PAX5: variants seen among roughly 807,000 people sequenced by gnomAD.
The protein encoded by PAX5 is paired box 5.
Under a neutral mutation model 43.7 loss-of-function variants are expected in PAX5, and 9 were observed. The ratio of observed to expected loss-of-function variants is 0.21; its 90% CI spans 0.12 to 0.36. The LOEUF (loss-of-function observed/expected upper bound fraction) is 0.36. PAX5 is among the 10% of genes least tolerant of loss of function. The pLI is 1.00. For missense variants in PAX5, 383 were observed against 532.7 expected (o/e 0.72, Z 2.77); for synonymous variants, 228 against 214.3 (o/e 1.06, Z -0.56).
At chr9:36,877,787 T>C (rs1826046883) in intron 8 of PAX5, among the ~76,000 whole-genome samples, 2 of 152,196 alleles carry the variant, frequency 1.3e-5, no homozygotes, top group African/African-American at 2.4e-5. Flanking sequence ...GCTCCTTATA[T>C]GTAACCTGTG....
At chr9:37,033,885 A>G (rs1482298386) in intron 1 of PAX5, 101 bp downstream of exon 1, 3 of 990,552 alleles carry the variant, frequency 3.0e-6, no homozygotes, top group East Asian at 4.9e-5. Flanking sequence ...CTCTACGAAA[A>G]TGCGGCGCGC....
chr9:36,891,429 G>A (rs1445715528), intron 7 of PAX5, among the ~76,000 whole-genome samples: 3 of 152,234 alleles, frequency 2.0e-5, no homozygotes, highest in African/African-American at 4.8e-5. Flanking sequence ...TGCATACGCC[G>A]CCAGGCTTAT....
At chr9:37,026,169 G>A (rs1840340223) in intron 1 of PAX5, among the ~76,000 whole-genome samples, 1 of 152,242 alleles carries the variant, frequency 6.6e-6, no homozygotes, top group Admixed American at 6.5e-5. Flanking sequence ...GTGGGGCGCT[G>A]TCTGAGACTC....
At chr9:36,930,870 G>T (rs895370979) in intron 6 of PAX5, 57 of 1,308,406 alleles carry the variant, frequency 4.4e-5, no homozygotes, top group Non-Finnish European at 5.6e-5. Context: ...GGCATCATTT[G>T]GGTCCCTAGG....
At chr9:36,855,697 A>T (rs1303162595) in intron 8 of PAX5, among the ~76,000 whole-genome samples, 1 of 151,174 alleles carries the variant, frequency 6.6e-6, no homozygotes, top group Non-Finnish European at 1.5e-5. Context: ...CTTCTCAGCC[A>T]CACCTCCCAC....
intron 8 of PAX5, among the ~76,000 whole-genome samples, chr9:36,854,085 T>C (rs2131618269): frequency 6.6e-6 from 1 of 152,354 alleles, no homozygotes; most frequent in Non-Finnish European, 1.5e-5. Flanking sequence ...TTCTGAAGGA[T>C]TCAAACTGGG....
chr9:36,901,171 G>GGCTCCCAGCACCTGCAAGGTCT (rs1472485478), intron 7 of PAX5, among the ~76,000 whole-genome samples: 3 of 151,976 alleles, frequency 2.0e-5, no homozygotes, highest in Non-Finnish European at 4.4e-5. Context: ...CTCTCCTCAG[G>GGCTCCCAGCACCTGCAAGGTCT]GCTCCCAGCA....
At chr9:36,869,371 A>G (rs1825202395) in intron 8 of PAX5, among the ~76,000 whole-genome samples, 1 of 152,156 alleles carries the variant, frequency 6.6e-6, no homozygotes, top group South Asian at 2.1e-4. Context: ...TGGCTAACAT[A>G]TGTTTCTCTC....
chr9:37,018,570 C>CAAAAAAAAAAAAAAAAAAAAAAAAAAAA (rs1222049885), intron 2 of PAX5, among the ~76,000 whole-genome samples: 1 of 70,992 alleles, frequency 1.4e-5, no homozygotes, highest in Non-Finnish European at 2.9e-5. Flanking sequence ...CTTCAGTGAC[C>CAAAAAAAAAAAAAAAAAAAAAAAAAAAA]AAAAAAAAAA....
Position 37,034,246 on chromosome 9 carries a change from C to T in PAX5, c.-215G>A, listed in dbSNP as rs1431258144. 3 of 560,124 alleles carry T rather than the reference C, an allele frequency of 5.4e-6. No individual in the cohort carries two copies. The African/African-American group carries it at 5.7e-5, about 11-fold the overall frequency. The allele number at this position is 560,124 out of a possible 1,614,324, so 34.7% of individuals were successfully genotyped here. On this transcript the variant is annotated 5_prime_UTR_variant, in exon 1 of 10. Transcript: ENST00000358127. ...TAGGTGGAAAAAAAGCGTCCGAAGGCACCGTGAAATGATTAAGGAACTAAA... is the reference window on the plus strand; with the variant it reads ...TAGGTGGAAAAAAAGCGTCCGAAGGTACCGTGAAATGATTAAGGAACTAAA...
intron 6 of PAX5, among the ~76,000 whole-genome samples, chr9:36,964,918 C>T (rs1409382208): frequency 6.6e-6 from 1 of 152,112 alleles, no homozygotes; most frequent in African/African-American, 2.4e-5. Context: ...CAAGACCAGG[C>T]CCACCTCCCC....
intron 8 of PAX5, among the ~76,000 whole-genome samples, chr9:36,851,251 C>T (rs902861312): frequency 3.3e-5 from 5 of 152,146 alleles, no homozygotes; most frequent in Non-Finnish European, 1.5e-5. Context: ...GAAGAAAGAG[C>T]CTCCTCTGAA....
intron 6 of PAX5, among the ~76,000 whole-genome samples, chr9:36,940,852 C>T (rs1831990976): frequency 6.6e-6 from 1 of 152,050 alleles, no homozygotes; most frequent in Non-Finnish European, 1.5e-5. Context: ...GCCAGGCACC[C>T]GGCAGGTACT....
At chr9:37,011,099 T>C (rs569959367) in intron 3 of PAX5, among the ~76,000 whole-genome samples, 3 of 140,838 alleles carry the variant, frequency 2.1e-5, no homozygotes, top group African/African-American at 8.1e-5. Context: ...CCAGCCTGGG[T>C]GACAGAGTGA....
intron 6 of PAX5, among the ~76,000 whole-genome samples, chr9:36,943,494 A>G (rs1011930088): frequency 8.8e-5 from 13 of 148,002 alleles, no homozygotes; most frequent in Admixed American, 2.7e-4. Context: ...AGCTCTCCTA[A>G]AGATATTGCT....
In PAX5 at chr9:36,981,155, T is replaced by A. The variant is rs1377797798; in HGVS notation, c.605-14431A>T. 2.1e-5 allele frequency among the ~76,000 whole-genome samples: 3 copies of A among 144,942 alleles called. No individual in the cohort carries two copies. The Admixed American group carries it at 2.1e-4, about 10-fold the overall frequency. Reference sequence around the variant, plus strand: ...AGGCCTCTGCTCAAACGTCAGCTCATCAGTAGGACCACCCTCCAAAAACAG... The same window carrying A: ...AGGCCTCTGCTCAAACGTCAGCTCAACAGTAGGACCACCCTCCAAAAACAG... On this transcript the variant is annotated intron_variant, in intron 5 of 9. Coordinates refer to ENST00000358127, the MANE Select transcript of PAX5 (RefSeq NM_016734.3).
chr9:36,946,315 C>T (rs779883368), intron 6 of PAX5, among the ~76,000 whole-genome samples: 14 of 152,184 alleles, frequency 9.2e-5, no homozygotes, highest in South Asian at 2.1e-4. Context: ...GTGTTTCTCC[C>T]GGTGCACAGA....
chr9:37,023,863 A>T (rs1840065039), intron 1 of PAX5, among the ~76,000 whole-genome samples: 2 of 152,212 alleles, frequency 1.3e-5, no homozygotes, highest in South Asian at 4.1e-4. Context: ...AGTCTCCCTA[A>T]TGGTATTGAT....
intron 7 of PAX5, among the ~76,000 whole-genome samples, chr9:36,895,482 T>C (rs1017666782): frequency 2.6e-5 from 4 of 152,250 alleles, no homozygotes; most frequent in Admixed American, 6.5e-5. Flanking sequence ...TTAAAATTAC[T>C]AGTTGTTCTA....
Sources: gnomAD v4.1 joint callset for allele counts (sites outside exome capture counted in the v4.1 genomes callset) on GRCh38, gnomAD v4.1.1 for gene constraint, MANE v1.5 for transcripts, NCBI Gene and HGNC (gene_info 2026-07-23, HGNC 2026-07-21) for gene names.